Variants in DPP6 observed in about 807,000 individuals in gnomAD.
DPP6 encodes A-type potassium channel modulatory protein DPP6.
Under a neutral mutation model 122.6 loss-of-function variants are expected in DPP6, and 69 were observed. That is an observed-to-expected ratio of 0.56 (90% CI 0.46 to 0.69). DPP6 has a LOEUF of 0.69. Ranked by LOEUF, DPP6 falls within the 30% of genes least tolerant of loss-of-function variation. The pLI, the probability that DPP6 is intolerant of heterozygous loss-of-function variation, is 0.00. For missense variants in DPP6, 928 were observed against 1,116.9 expected (o/e 0.83, Z 2.41); for synonymous variants, 418 against 433.1 (o/e 0.97, Z 0.43).
chr7:154,285,439 A>G (rs575175920), intron 1 of DPP6, among the ~76,000 whole-genome samples: 7 of 152,260 alleles, frequency 4.6e-5, no homozygotes, highest in East Asian at 1.9e-4. Context: ...TAATGTTTGC[A>G]TTATTAGTAG....
Position 154,340,894 on chromosome 7 carries a change from T to A in DPP6, c.244-105320T>A, listed in dbSNP as rs1490498812. ...GTGTCCACTACAGAATGCCTGGCGC[T>A]GCTCTTTTTGGCTCTGAGTGTGCTT... On this transcript the variant is annotated intron_variant, in intron 1 of 25. Coordinates refer to ENST00000377770, the MANE Select transcript of DPP6 (RefSeq NM_130797.4). 3.3e-5 allele frequency among the ~76,000 whole-genome samples: 5 copies of A among 152,230 alleles called. No individual in the cohort carries two copies. The East Asian group carries it at 9.6e-4, about 29-fold the overall frequency.
At chr7:154,515,335 C>A (rs1826402819) in intron 3 of DPP6, among the ~76,000 whole-genome samples, 1 of 152,168 alleles carries the variant, frequency 6.6e-6, no homozygotes, top group African/African-American at 2.4e-5. Context: ...GAATAATTGT[C>A]CTGTCCTCCC....
chr7:154,044,271 A>G (rs1050854490), intron 1 of DPP6, among the ~76,000 whole-genome samples: 2 of 152,216 alleles, frequency 1.3e-5, no homozygotes, highest in African/African-American at 4.8e-5. Context: ...CCCCTTTATG[A>G]GAAGGAAATT....
intron 1 of DPP6, among the ~76,000 whole-genome samples, chr7:153,958,881 G>T (rs1356509896): frequency 6.6e-6 from 1 of 151,756 alleles, no homozygotes; most frequent in East Asian, 2.0e-4. Context: ...AAACCCTCAA[G>T]AACTGCTTGG....
rs145566099 is a variant in DPP6, at chr7:154,013,035, C to A, written c.51+125301C>A. Among the ~76,000 whole-genome samples the A allele has an allele frequency of 1.8e-3, 267 of 152,264 alleles. 2 individuals are homozygous for A. Among genetic ancestry groups the A allele is most frequent in the Non-Finnish European group, 3.0e-3 (202 of 68,032 alleles). On this transcript the variant is annotated intron_variant, in intron 1 of 25. Coordinates refer to the DPP6 transcript ENST00000404039. ...TTCCAGCCTCTTTCACAGGCTCACT[C>A]GCTGATTTCTGTTTCTCCCACATTA... is the stretch of plus-strand genomic sequence containing the variant.
intron 1 of DPP6, among the ~76,000 whole-genome samples, chr7:154,034,544 T>C (rs1374528338): frequency 1.3e-5 from 2 of 152,222 alleles, no homozygotes; most frequent in Non-Finnish European, 2.9e-5. Flanking sequence ...TGTGTGTGTA[T>C]GTGCGTGTAT....
chr7:154,559,963 A>T (rs1830315136), intron 4 of DPP6, among the ~76,000 whole-genome samples: 1 of 135,538 alleles, frequency 7.4e-6, no homozygotes, highest in South Asian at 2.3e-4. Context: ...TATAAGATAT[A>T]TATAAAGATA....
intron 5 of DPP6, among the ~76,000 whole-genome samples, chr7:154,576,743 C>T: frequency 6.6e-6 from 1 of 152,216 alleles, no homozygotes; most frequent in East Asian, 1.9e-4. Context: ...AGGCTGCTCA[C>T]TATCTCCCCT....
intron 1 of DPP6, among the ~76,000 whole-genome samples, chr7:154,090,610 A>G (rs1299264175): frequency 6.6e-6 from 1 of 152,124 alleles, no homozygotes; most frequent in South Asian, 2.1e-4. Context: ...CATTGCCCAT[A>G]GAGGCGCCTG....
At chr7:154,341,008 T>C (rs1274633414) in intron 1 of DPP6, among the ~76,000 whole-genome samples, 1 of 152,222 alleles carries the variant, frequency 6.6e-6, no homozygotes, top group Non-Finnish European at 1.5e-5. Flanking sequence ...TAAATTGAAT[T>C]ATTATAACAT....
intron 1 of DPP6, among the ~76,000 whole-genome samples, chr7:154,233,153 C>T (rs1047149877): frequency 6.6e-6 from 1 of 152,116 alleles, no homozygotes; most frequent in African/African-American, 2.4e-5. Flanking sequence ...TTGTGAGAGT[C>T]GAATTCAGAC....
chr7:154,615,346 C>T (rs1258571504), intron 5 of DPP6, among the ~76,000 whole-genome samples: 1 of 152,172 alleles, frequency 6.6e-6, no homozygotes, highest in Non-Finnish European at 1.5e-5. Flanking sequence ...ACTCATGCTT[C>T]ATAGGCCAGC....
chr7:153,788,274 A>T, the DPP6 span, among the ~76,000 whole-genome samples: 1 of 152,228 alleles, frequency 6.6e-6, no homozygotes, highest in African/African-American at 2.4e-5. Context: ...GGAGGCACAG[A>T]TCCACTGGCC....
chr7:154,625,768 G>A (rs533016575), intron 5 of DPP6, among the ~76,000 whole-genome samples: 9 of 152,342 alleles, frequency 5.9e-5, no homozygotes, highest in African/African-American at 2.2e-4. Context: ...TGTGGGGCAA[G>A]CCCCCTGTGC....
chr7:154,063,170 C>G (rs1393037976), intron 1 of DPP6, among the ~76,000 whole-genome samples: 6 of 130,266 alleles, frequency 4.6e-5, no homozygotes, highest in African/African-American at 1.7e-4. Flanking sequence ...CCTTTTCCGC[C>G]CCTGGCTGTT....
chr7:154,519,997 G>A (rs1375782326), intron 3 of DPP6, among the ~76,000 whole-genome samples: 1 of 152,084 alleles, frequency 6.6e-6, no homozygotes, highest in Admixed American at 6.6e-5. Context: ...AGAAAAATAA[G>A]GTATTCTATT....
chr7:154,136,009 C>T (rs924667174), intron 1 of DPP6, among the ~76,000 whole-genome samples: 5 of 152,240 alleles, frequency 3.3e-5, no homozygotes, highest in African/African-American at 1.2e-4. Context: ...GCATTCTCAC[C>T]TGCACAATCA....
Position 154,893,614 on chromosome 7 carries a change from C to G in DPP6, c.*1134C>G, listed in dbSNP as rs144388416. On this transcript the variant is annotated 3_prime_UTR_variant, in exon 26 of 26. Coordinates refer to ENST00000377770, the MANE Select transcript of DPP6 (RefSeq NM_130797.4). ...GGGTGGCTCCGTGACCTTCCTGCCA[C>G]GAGCAGGAGGTTGATGATGTGCTAC... 6.6e-6 allele frequency: 1 copy of G among 152,054 alleles called. No homozygotes were observed. The highest frequency in any genetic ancestry group is 1.9e-4 in the East Asian group (1 of 5,180). The allele number at this position is 152,054 out of a possible 1,614,324, so 9.4% of individuals were successfully genotyped here.
upstream of DPP6, among the ~76,000 whole-genome samples, chr7:153,882,918 G>A (rs56324910): frequency 0.063 from 9,540 of 152,234 alleles, 458 homozygotes; most frequent in East Asian, 0.22. Context: ...AGGTGCTATG[G>A]AACAGGGCAG....
Sources: gnomAD v4.1 joint callset for allele counts (sites outside exome capture counted in the v4.1 genomes callset) on GRCh38, gnomAD v4.1.1 for gene constraint, MANE v1.5 for transcripts, NCBI Gene and HGNC (gene_info 2026-07-23, HGNC 2026-07-21) for gene names.